Variants in AFDN observed in about 807,000 individuals in gnomAD.
AFDN encodes the protein afadin.
A neutral mutation model predicts 216.6 loss-of-function variants in AFDN; 68 were observed. The ratio of observed to expected loss-of-function variants is 0.31; its 90% confidence interval spans 0.26 to 0.38. The LOEUF (loss-of-function observed/expected upper bound fraction) is 0.38, where lower values mean the gene tolerates loss of function less well. Among genes scored for constraint, AFDN ranks in the 10% least tolerant of loss-of-function variants. AFDN has a pLI of 1.00. For missense variants in AFDN, 2,136 were observed against 2,342.0 expected (o/e 0.91, Z 1.82); for synonymous variants, 868 against 853.7 (o/e 1.02, Z -0.29).
At chr6:167,927,458 G>C (rs948060555) in intron 23 of AFDN, among the ~76,000 whole-genome samples, 5 of 152,116 alleles carry the variant, frequency 3.3e-5, no homozygotes, top group African/African-American at 1.2e-4. Flanking sequence ...TTATCTTGTA[G>C]GCACCACAAA....
chr6:167,910,241 C>T (rs1344576068), intron 13 of AFDN, among the ~76,000 whole-genome samples: 1 of 152,196 alleles, frequency 6.6e-6, no homozygotes, highest in East Asian at 1.9e-4. Context: ...CTCTGGTGAA[C>T]ACACATACAA....
chr6:167,966,833 G>T (rs1183951817), intron 32 of AFDN, among the ~76,000 whole-genome samples: 4 of 152,204 alleles, frequency 2.6e-5, no homozygotes, highest in African/African-American at 9.7e-5. Flanking sequence ...CGTGCAGGCT[G>T]CCTCACGCCA....
rs911718045 is a variant in AFDN at position 167,826,956 on chromosome 6, G to A, written c.-177G>A. On this transcript the variant is annotated 5_prime_UTR_variant, in exon 1 of 34. Coordinates refer to ENST00000683244, the MANE Select transcript of AFDN (RefSeq NM_001386888.1). ...GAGGCGGCGCGGCGCGGCGCGGACT[G>A]AGCCCCAGGCGGAGGCCAAGTCGGA... 5.3e-5 allele frequency: 8 copies of A among 149,726 alleles called. No individual in the cohort carries two copies. Among genetic ancestry groups the A allele is most frequent in the African/African-American group, 2.0e-4 (8 of 40,676 alleles). 9.3% of individuals were successfully genotyped at this position (149,726 alleles called of 1,614,324 possible).
intron 18 of AFDN, 34 bp downstream of exon 18, chr6:167,914,772 C>G: frequency 2.1e-6 from 3 of 1,432,422 alleles, no homozygotes; most frequent in Non-Finnish European, 2.9e-6. Flanking sequence ...CCCTCTATCC[C>G]GCTTCCTTCA....
chr6:167,845,375 T>C (rs992932633), intron 1 of AFDN, among the ~76,000 whole-genome samples: 1 of 152,034 alleles, frequency 6.6e-6, no homozygotes, highest in African/African-American at 2.4e-5. Flanking sequence ...TAAATGAATA[T>C]TTCTTTTCTT....
chr6:167,840,588 GAA>G (rs1393475233), intron 1 of AFDN, among the ~76,000 whole-genome samples: 1 of 152,242 alleles, frequency 6.6e-6, no homozygotes, highest in Non-Finnish European at 1.5e-5. Flanking sequence ...TTGTGAGAAA[GAA>G]ATACAGCTTT....
At chr6:167,917,313 C>A (rs1791207736) in intron 20 of AFDN, 81 bp downstream of exon 20, 4 of 1,302,454 alleles carry the variant, frequency 3.1e-6, no homozygotes, top group South Asian at 2.0e-5. Context: ...AAAAGGAAAT[C>A]CTATTTAATA....
intron 29 of AFDN, among the ~76,000 whole-genome samples, chr6:167,949,438 G>T (rs1795710133): frequency 6.6e-6 from 1 of 152,142 alleles, no homozygotes; most frequent in Admixed American, 6.5e-5. Flanking sequence ...ATGAGGAGGA[G>T]CCTGTTTTCT....
intron 23 of AFDN, among the ~76,000 whole-genome samples, chr6:167,929,027 C>A (rs148413035): frequency 6.6e-6 from 1 of 152,064 alleles, no homozygotes; most frequent in Non-Finnish European, 1.5e-5. Context: ...TACTGGCTTC[C>A]GTGAGTCTAA....
At position 167,875,398 on chromosome 6, in the gene AFDN, C is replaced by T. The variant is rs146284240; in HGVS notation, c.642C>T (p.Thr214=). 1 of 1,613,842 alleles carries T rather than the reference C, an allele frequency of 6.2e-7. No individual in the cohort carries two copies. The highest frequency in any genetic ancestry group is 8.5e-7 in the Non-Finnish European group (1 of 1,179,886). Residue 214 remains threonine (T), a synonymous_variant, in exon 5 of 34, where the codon ACC becomes ACT. Transcript: ENST00000683244. ...KDMPETSFTR[T]ISNPEVVMKR... Reference sequence around the variant, plus strand: ...TGCCGGAAACCAGCTTTACTCGAACCATTTCTAATCCTGAGGTGGTTATGA... The same window carrying T: ...TGCCGGAAACCAGCTTTACTCGAACTATTTCTAATCCTGAGGTGGTTATGA...
Position 167,911,611 on chromosome 6 carries a change from A to C in AFDN, c.2037+122A>C, listed in dbSNP as rs912677576. 15 of 839,150 alleles carry C rather than the reference A, an allele frequency of 1.8e-5. No individual in the cohort carries two copies. In the African/African-American group the frequency reaches 2.1e-4, roughly 12 times the overall value. 52.0% of individuals were successfully genotyped at this position (839,150 alleles called of 1,614,324 possible). A position where few individuals can be genotyped will look rare whatever the true frequency, so the allele number is the denominator to read the frequency against. On this transcript the variant is annotated intron_variant, in intron 15 of 33. Transcript: ENST00000683244. ...AAGATTTTTTTCTAAAATAAAAGTTATGTAAATATTGTAGGAAAATGTATA... is the reference window on the plus strand; with the variant it reads ...AAGATTTTTTTCTAAAATAAAAGTTCTGTAAATATTGTAGGAAAATGTATA...
rs1562610642 is a variant in AFDN, at chr6:167,886,881, G to T, written c.898-2334G>T. ...AATACAAAAATTAATTGGGCATGGT[G>T]GTGGGCACCTGTAATCCCAGCTACT... is the stretch of plus-strand genomic sequence containing the variant. On this transcript the variant is annotated intron_variant, in intron 6 of 33. Coordinates refer to ENST00000683244, the MANE Select transcript of AFDN (RefSeq NM_001386888.1). Among the ~76,000 whole-genome samples, 4 of 152,028 alleles carry T rather than the reference G, an allele frequency of 2.6e-5. No homozygotes were observed. The South Asian group carries it at 8.3e-4, about 32-fold the overall frequency.
chr6:167,888,553 G>C (rs1244066788), intron 6 of AFDN, among the ~76,000 whole-genome samples: 1 of 152,042 alleles, frequency 6.6e-6, no homozygotes, highest in Admixed American at 6.6e-5. Flanking sequence ...CAGTGTTTTG[G>C]GGGCTTTCTT....
intron 23 of AFDN, among the ~76,000 whole-genome samples, chr6:167,931,147 A>T (rs1793248303): frequency 6.6e-6 from 1 of 152,180 alleles, no homozygotes; most frequent in Non-Finnish European, 1.5e-5. Flanking sequence ...ACTGATACAT[A>T]TTTGTTGAAT....
At chr6:167,925,508 C>T (rs1792401175) in intron 23 of AFDN, among the ~76,000 whole-genome samples, 2 of 152,154 alleles carry the variant, frequency 1.3e-5, no homozygotes. Context: ...CACATAAAAA[C>T]CGCTAAGGAC....
chr6:167,965,942 C>T lies in AFDN; in HGVS notation c.5154C>T (p.Asn1718=), dbSNP rs772240384. 5.0e-4 allele frequency: 766 copies of T among 1,545,626 alleles called. No individual in the cohort carries two copies. Among genetic ancestry groups the T allele is most frequent in the Non-Finnish European group, 6.2e-4 (713 of 1,143,918 alleles). ...PGAPPPPPQR[N]ASYLKTQVLS... ...CCCCTCCTCCCCCGCCTCAGCGAAA[C>T]GCCTCCTACCTCAAAACACAGGTCC... is the stretch of plus-strand genomic sequence containing the variant. The change falls in exon 32 of 34, where the codon AAC becomes AAT. Residue 1718 remains asparagine (N), a synonymous_variant. Transcript: ENST00000683244.
chr6:167,942,356 A>G (rs542051869), intron 23 of AFDN, among the ~76,000 whole-genome samples: 21 of 152,330 alleles, frequency 1.4e-4, no homozygotes, highest in East Asian at 7.7e-4. Flanking sequence ...TTTGTCTTCA[A>G]TCGTTGTGAC....
At chr6:167,864,799 A>T in intron 2 of AFDN, 53 bp downstream of exon 2, 4 of 1,558,702 alleles carry the variant, frequency 2.6e-6, no homozygotes, top group Non-Finnish European at 3.5e-6. Flanking sequence ...CTGTGAAGAG[A>T]CAGCTTGTCC....
intron 23 of AFDN, among the ~76,000 whole-genome samples, chr6:167,930,530 G>T (rs1038692155): frequency 6.6e-6 from 1 of 152,198 alleles, no homozygotes; most frequent in Non-Finnish European, 1.5e-5. Flanking sequence ...GATGGCAGCG[G>T]GCCCTGTGCA....
Sources: allele counts gnomAD v4.1 joint callset (sites outside exome capture counted in the v4.1 genomes callset), GRCh38; gene constraint gnomAD v4.1.1; transcripts MANE v1.5; gene names NCBI Gene and HGNC (gene_info 2026-07-23, HGNC 2026-07-21).